Variants in HTR4 observed in about 807,000 individuals in gnomAD.
HTR4 encodes the protein 5-hydroxytryptamine receptor 4.
Under a neutral mutation model 36.8 loss-of-function variants are expected in HTR4, and 16 were observed. That is an observed-to-expected ratio of 0.43 (90% CI 0.29 to 0.66). The LOEUF (loss-of-function observed/expected upper bound fraction) is 0.66, where lower values mean the gene tolerates loss of function less well. Among genes scored for constraint, HTR4 ranks in the 30% least tolerant of loss-of-function variants. The pLI is 0.13. For synonymous variants in HTR4, 189 were observed against 185.1 expected, an observed-to-expected ratio of 1.02 and a Z score of -0.17; for missense variants, 438 against 490.9, an observed-to-expected ratio of 0.89 and a Z score of 1.02.
chr5:148,501,238 A>AAACAAG (rs1311034963), intron 6 of HTR4, among the ~76,000 whole-genome samples: 3 of 152,228 alleles, frequency 2.0e-5, no homozygotes, highest in Non-Finnish European at 4.4e-5. Flanking sequence ...AAAGGATAAA[A>AAACAAG]AAACAAGATG....
intron 1 of HTR4, among the ~76,000 whole-genome samples, chr5:148,641,977 G>T (rs192599502): frequency 4.8e-4 from 73 of 152,286 alleles, no homozygotes; most frequent in Non-Finnish European, 9.1e-4. Context: ...GCCAACATCT[G>T]CAAACCTGGA....
At chr5:148,522,290 C>T (rs1581419640) in intron 5 of HTR4, among the ~76,000 whole-genome samples, 2 of 152,222 alleles carry the variant, frequency 1.3e-5, no homozygotes, top group Middle Eastern at 6.8e-3. Context: ...GTACATCAGC[C>T]TTATAGACTC....
chr5:148,591,860 T>G (rs985971842), intron 2 of HTR4, among the ~76,000 whole-genome samples: 1 of 152,138 alleles, frequency 6.6e-6, no homozygotes, highest in Non-Finnish European at 1.5e-5. Context: ...GGAGTGTAAA[T>G]TAGTTTTGCC....
rs529086033 is a variant in HTR4 at position 148,454,948 on chromosome 5, G to A, written c.1077-3676C>T. On this transcript the variant is annotated intron_variant, in intron 5 of 5. Coordinates refer to the HTR4 transcript ENST00000521530. Reference sequence around the variant, plus strand: ...CAGGACCAAACAGCCCTAGGAAATGGGGCTACGCTTTAGTATCTGAGGTGC... The same window carrying A: ...CAGGACCAAACAGCCCTAGGAAATGAGGCTACGCTTTAGTATCTGAGGTGC... 5.9e-5 allele frequency among the ~76,000 whole-genome samples: 9 copies of A among 152,282 alleles called. No individual in the cohort carries two copies. The South Asian group carries it at 1.9e-3, about 32-fold the overall frequency.
In HTR4 at chr5:148,482,820, A is replaced by C. The variant is rs1254716432; in HGVS notation, c.*383T>G. 2.8e-6 allele frequency: 3 copies of C among 1,062,100 alleles called. No individual in the cohort carries two copies. In the African/African-American group the frequency reaches 4.9e-5, roughly 17 times the overall value. The allele number at this position is 1,062,100 out of a possible 1,614,324, so 65.8% of individuals were successfully genotyped here. ...TGATATCTGGAAGCCCACACAGCAA[A>C]GAAGGCGTATTTGGAGACATCAGTG... On this transcript the variant is annotated 3_prime_UTR_variant, in exon 7 of 7. Transcript: ENST00000377888.
chr5:148,455,229 G>A (rs1006272457), intron 5 of HTR4, among the ~76,000 whole-genome samples: 1 of 152,130 alleles, frequency 6.6e-6, no homozygotes, highest in African/African-American at 2.4e-5. Flanking sequence ...CAACATGCAT[G>A]GTGCCCGTAC....
intron 2 of HTR4, among the ~76,000 whole-genome samples, chr5:148,560,207 A>G (rs1162519543): frequency 2.4e-5 from 1 of 42,034 alleles, no homozygotes; most frequent in Non-Finnish European, 4.7e-5. Flanking sequence ...TTTTTTTTTA[A>G]AAAAAAAAAA....
chr5:148,479,489 T>G (rs577579299), downstream of HTR4, among the ~76,000 whole-genome samples: 31 of 152,170 alleles, frequency 2.0e-4, no homozygotes, highest in Admixed American at 2.6e-4. Context: ...ATGTACAGAA[T>G]GCACTCATAT....
At chr5:148,620,687 T>A (rs1030505751) in intron 2 of HTR4, among the ~76,000 whole-genome samples, 4 of 152,234 alleles carry the variant, frequency 2.6e-5, no homozygotes, top group African/African-American at 9.7e-5. Flanking sequence ...TTTAACATAG[T>A]TGTTACAAAA....
chr5:148,528,782 T>C (rs12152801), intron 4 of HTR4, among the ~76,000 whole-genome samples: 2 of 151,838 alleles, frequency 1.3e-5, no homozygotes, highest in East Asian at 2.0e-4. Context: ...ACACCACCAC[T>C]AGACAGAATT....
At chr5:148,520,125 A>G (rs1365105224) in intron 5 of HTR4, among the ~76,000 whole-genome samples, 1 of 152,182 alleles carries the variant, frequency 6.6e-6, no homozygotes, top group Non-Finnish European at 1.5e-5. Context: ...AAGATTCAGT[A>G]TTTACCAATT....
chr5:148,652,626 C>T (rs1480942988), intron 1 of HTR4, among the ~76,000 whole-genome samples: 1 of 152,122 alleles, frequency 6.6e-6, no homozygotes, highest in Non-Finnish European at 1.5e-5. Flanking sequence ...GTCCTCTGGG[C>T]CCTGGGGCCT....
chr5:148,591,816 G>T (rs1249335090), intron 2 of HTR4, among the ~76,000 whole-genome samples: 1 of 152,192 alleles, frequency 6.6e-6, no homozygotes, highest in East Asian at 1.9e-4. Flanking sequence ...CTGCAAGGTT[G>T]CAGAGAAAAG....
At position 148,550,189 on chromosome 5, in the gene HTR4, T is replaced by G; in HGVS notation, c.100A>C (p.Ile34Leu). The change falls in exon 3 of 7, where the codon ATC becomes CTC. Residue 34 changes from isoleucine (I) to leucine (L), a missense_variant. By Grantham distance (5) the Ile-to-Leu change is conservative. Coordinates refer to ENST00000377888, the MANE Select transcript of HTR4 (RefSeq NM_000870.7). ...ACCATCACCAGCAGGTTCCCCAAGA[T>G]GGCCATCAGGATAACCGTCGAGAGA... is the stretch of plus-strand genomic sequence containing the variant. ...TFLSTVILMA[I>L]LGNLLVMVAV... 1 of 1,614,114 alleles carries G rather than the reference T, an allele frequency of 6.2e-7. No homozygotes were observed. Among genetic ancestry groups the G allele is most frequent in the Non-Finnish European group, 8.5e-7 (1 of 1,180,012 alleles).
At position 148,483,304 on chromosome 5, in the gene HTR4, GAGA is replaced by G. The variant is rs772811785; in HGVS notation, c.1077-14_1077-12del. 2.1e-5 allele frequency: 34 copies of G among 1,605,328 alleles called. No individual in the cohort carries two copies. The African/African-American group carries it at 2.5e-4, about 12-fold the overall frequency. On this transcript the variant is annotated splice_polypyrimidine_tract_variant and intron_variant, in intron 6 of 6. Coordinates refer to ENST00000377888, the MANE Select transcript of HTR4 (RefSeq NM_000870.7). ...CACTCCACTGCATCCCTAGAGAGAG[GAGA>G]AGATTACAGAACCTCAGAATTGGAA... is the stretch of plus-strand genomic sequence containing the variant.
At chr5:148,588,728 G>C (rs1761445700) in intron 2 of HTR4, among the ~76,000 whole-genome samples, 1 of 150,764 alleles carries the variant, frequency 6.6e-6, no homozygotes, top group Admixed American at 6.6e-5. Context: ...TTTTAGTAGA[G>C]ACGGGGTTTC....
chr5:148,634,236 G>T (rs929505510), intron 2 of HTR4, among the ~76,000 whole-genome samples: 6 of 152,126 alleles, frequency 3.9e-5, no homozygotes, highest in African/African-American at 9.7e-5. Flanking sequence ...TAGGGCATTT[G>T]CAGTCTCCTG....
chr5:148,648,120 T>A (rs965006219), intron 1 of HTR4, among the ~76,000 whole-genome samples: 3 of 152,210 alleles, frequency 2.0e-5, no homozygotes, highest in African/African-American at 7.2e-5. Context: ...GTGTTCACTA[T>A]ATAGTTCTTT....
At chr5:148,458,523 A>G (rs1755182660) in intron 5 of HTR4, among the ~76,000 whole-genome samples, 1 of 152,086 alleles carries the variant, frequency 6.6e-6, no homozygotes, top group Non-Finnish European at 1.5e-5. Flanking sequence ...GTATTTGGTG[A>G]TGCTATGAGA....
Sources: gnomAD v4.1 joint callset for allele counts (sites outside exome capture counted in the v4.1 genomes callset) on GRCh38, gnomAD v4.1.1 for gene constraint, MANE v1.5 for transcripts, NCBI Gene and HGNC (gene_info 2026-07-23, HGNC 2026-07-21) for gene names.